CPT1A: variants seen among roughly 807,000 people sequenced by gnomAD.
The protein encoded by CPT1A is carnitine O-palmitoyltransferase 1, liver isoform.
Under a neutral mutation model 100.8 loss-of-function variants are expected in CPT1A, and 64 were observed. The observed-to-expected ratio is 0.63, with a 90% confidence interval of 0.52 to 0.78. CPT1A has a LOEUF of 0.78. Among genes scored for constraint, CPT1A ranks in the 30% least tolerant of loss-of-function variants. CPT1A has a pLI of 0.00. For synonymous variants in CPT1A, 363 were observed against 396.0 expected, an observed-to-expected ratio of 0.92 and a Z score of 0.99; for missense variants, 802 against 1,034.1, an observed-to-expected ratio of 0.78 and a Z score of 3.08.
Position 68,804,003 on chromosome 11 carries a change from G to A in CPT1A, c.552C>T (p.Asn184=). 6.2e-7 allele frequency: 1 copy of A among 1,612,266 alleles called. No individual in the cohort carries two copies. The highest frequency in any genetic ancestry group is 8.5e-7 in the Non-Finnish European group (1 of 1,178,280). ...LPVPAVKDTV[N]RYLQSVRPLM... is the part of the protein sequence containing the mutation. ...GTGAGGCCTAAGCCACACCTACCCT[G>A]TTCACAGTGTCTTTGACAGCCGGGA... The change falls in exon 5 of 19, where the codon AAC becomes AAT. Residue 184 remains asparagine (N), a synonymous_variant. Coordinates refer to ENST00000265641, the MANE Select transcript of CPT1A (RefSeq NM_001876.4).
In CPT1A at chr11:68,793,410, A is replaced by C. The variant is rs1183689857; in HGVS notation, c.880-8T>G. The C allele has an allele frequency of 1.2e-6, 2 of 1,604,734 alleles. No homozygotes were observed. Among genetic ancestry groups the C allele is most frequent in the Non-Finnish European group, 1.7e-6 (2 of 1,174,392 alleles). On this transcript the variant is annotated splice_region_variant and splice_polypyrimidine_tract_variant and intron_variant, in intron 8 of 18. Coordinates refer to ENST00000265641, the MANE Select transcript of CPT1A (RefSeq NM_001876.4). ...GGATCCCAAAAGACGAATCTGTAACAAAAATATATTTCAAACCAACAACGA... is the reference window on the plus strand; with the variant it reads ...GGATCCCAAAAGACGAATCTGTAACCAAAATATATTTCAAACCAACAACGA...
chr11:68,765,065 T>C (rs1854753563), intron 14 of CPT1A, among the ~76,000 whole-genome samples: 2 of 152,368 alleles, frequency 1.3e-5, no homozygotes, highest in Middle Eastern at 6.8e-3. Context: ...CTGCTTCCCA[T>C]GCTGATAGCA....
intron 1 of CPT1A, among the ~76,000 whole-genome samples, chr11:68,819,713 T>C (rs1270745202): frequency 6.6e-6 from 1 of 151,978 alleles, no homozygotes; most frequent in East Asian, 1.9e-4. Context: ...GCGATCTGAG[T>C]TTAATGAAGG....
At chr11:68,787,779 T>TA (rs1366788132) in intron 9 of CPT1A, among the ~76,000 whole-genome samples, 1 of 151,872 alleles carries the variant, frequency 6.6e-6, no homozygotes, top group African/African-American at 2.4e-5. Context: ...TCGTCTCTAC[T>TA]AAAAAATTAC....
intron 6 of CPT1A, among the ~76,000 whole-genome samples, chr11:68,798,457 C>G (rs766891886): frequency 6.6e-6 from 1 of 152,154 alleles, no homozygotes; most frequent in African/African-American, 2.4e-5. Context: ...CCTTCTCTTC[C>G]GTGTTAGTTG....
chr11:68,786,593 C>T (rs892096757), intron 9 of CPT1A, among the ~76,000 whole-genome samples: 5 of 152,274 alleles, frequency 3.3e-5, no homozygotes, highest in Middle Eastern at 3.4e-3. Context: ...TGCAGTGGCG[C>T]GATCTCGGCT....
At chr11:68,838,113 T>A (rs1485124988) in intron 1 of CPT1A, among the ~76,000 whole-genome samples, 1 of 151,986 alleles carries the variant, frequency 6.6e-6, no homozygotes, top group Non-Finnish European at 1.5e-5. Context: ...CCTATATCCC[T>A]CAGGAAGCAG....
At chr11:68,757,973 C>T (rs933820912) in intron 18 of CPT1A, among the ~76,000 whole-genome samples, 4 of 152,194 alleles carry the variant, frequency 2.6e-5, no homozygotes, top group Admixed American at 6.5e-5. Flanking sequence ...AATGCCAATG[C>T]GTTTATCCCA....
chr11:68,770,103 T>A (rs1854946061), intron 14 of CPT1A, among the ~76,000 whole-genome samples: 1 of 151,480 alleles, frequency 6.6e-6, no homozygotes, highest in South Asian at 2.1e-4. Context: ...CCTTCCTCTA[T>A]GGTTCTGAAG....
chr11:68,775,322 C>T lies in CPT1A; in HGVS notation c.1569G>A (p.Pro523=), dbSNP rs754717309. Residue 523 remains proline (P), a synonymous_variant, in exon 13 of 19, where the codon CCG becomes CCA. Transcript: ENST00000265641. ...TTGGATAATCCGGACTTACTTCCCC[C>T]GGGATGTCCCACTGCAGCCTGGTGG... ...PYPTRLQWDI[P]GECQEVIETS... 34 of 1,611,998 alleles carry T rather than the reference C, an allele frequency of 2.1e-5. No homozygotes were observed. In the East Asian group the frequency reaches 2.9e-4, roughly 14 times the overall value.
chr11:68,812,104 G>C (rs1411326876), intron 3 of CPT1A, among the ~76,000 whole-genome samples: 3 of 152,208 alleles, frequency 2.0e-5, no homozygotes, highest in African/African-American at 7.2e-5. Context: ...TCAGCCCTTT[G>C]AGCAGAAATT....
At chr11:68,824,746 C>T (rs1856676886) in intron 1 of CPT1A, among the ~76,000 whole-genome samples, 4 of 151,452 alleles carry the variant, frequency 2.6e-5, no homozygotes, top group Admixed American at 2.0e-4. Flanking sequence ...AAAAAGGGTT[C>T]CCATCTTTTA....
At chr11:68,794,775 A>G (rs1046886504) in intron 8 of CPT1A, 29 bp downstream of exon 8, 1 of 1,550,476 alleles carries the variant, frequency 6.4e-7, no homozygotes, top group Admixed American at 1.7e-5. Flanking sequence ...GTTTGAAAAT[A>G]ATTTTTTTAA....
At chr11:68,797,136 A>G (rs1855776646) in intron 6 of CPT1A, among the ~76,000 whole-genome samples, 1 of 152,216 alleles carries the variant, frequency 6.6e-6, no homozygotes, top group South Asian at 2.1e-4. Flanking sequence ...GTTCTTTTTA[A>G]GTTGAGACAG....
chr11:68,821,313 T>C (rs189105834), intron 1 of CPT1A, among the ~76,000 whole-genome samples: 248 of 152,276 alleles, frequency 1.6e-3, no homozygotes, highest in Non-Finnish European at 2.7e-3. Context: ...CCACCACGAC[T>C]GGCTAATTTT....
intron 12 of CPT1A, among the ~76,000 whole-genome samples, chr11:68,778,403 T>C (rs1855198779): frequency 1.3e-5 from 2 of 152,124 alleles, no homozygotes; most frequent in African/African-American, 4.8e-5. Flanking sequence ...AGAATTTGTT[T>C]ATCTCTTGGG....
At chr11:68,815,967 T>G in intron 1 of CPT1A, among the ~76,000 whole-genome samples, 1 of 148,134 alleles carries the variant, frequency 6.8e-6, no homozygotes, top group Non-Finnish European at 1.5e-5. Flanking sequence ...GAACCACGCC[T>G]CCAAGCCAGC....
In CPT1A at chr11:68,757,710, C is replaced by A. The variant is rs757953114; in HGVS notation, c.2256G>T (p.Arg752Ser). ...TGTCAGTCATTGCTTCTTTCAGGTG[C>A]CTTCCAAAGCGATGAGAATCCTTTC... ...CPETDSHRFG[R>S]HLKEAMTDII... is the part of the protein sequence containing the mutation. The change falls in exon 19 of 19, where the codon AGG (arginine) becomes AGT (serine). Residue 752 changes from arginine (R) to serine (S), a missense_variant. Arg to Ser is a moderately radical substitution (Grantham distance 110, BLOSUM62 -1). Transcript: ENST00000265641. 6.2e-7 allele frequency: 1 copy of A among 1,614,052 alleles called. No individual in the cohort carries two copies. Among genetic ancestry groups the A allele is most frequent in the Admixed American group, 1.7e-5 (1 of 60,014 alleles).
chr11:68,758,775 C>T (rs989952064), intron 18 of CPT1A, among the ~76,000 whole-genome samples: 1 of 152,060 alleles, frequency 6.6e-6, no homozygotes, highest in Non-Finnish European at 1.5e-5. Context: ...TGTGCCACCA[C>T]ACCAGCTAAG....
Sources: gnomAD v4.1 joint callset for allele counts (sites outside exome capture counted in the v4.1 genomes callset) on GRCh38, gnomAD v4.1.1 for gene constraint, MANE v1.5 for transcripts, NCBI Gene and HGNC (gene_info 2026-07-23, HGNC 2026-07-21) for gene names.